DPP10: variants seen among roughly 807,000 people sequenced by gnomAD.
The protein encoded by DPP10 is inactive dipeptidyl peptidase 10.
DPP10 carries 33 observed loss-of-function variants against 120.9 expected under a neutral mutation model. That is an observed-to-expected ratio of 0.27 (90% CI 0.21 to 0.37). The LOEUF is 0.37. DPP10 is among the 10% of genes least tolerant of loss of function. The pLI, the probability that DPP10 is intolerant of heterozygous loss-of-function variation, is 1.00. For missense variants in DPP10, 816 were observed against 942.8 expected, an observed-to-expected ratio of 0.87 and a Z score of 1.76; for synonymous variants, 337 against 326.1, an observed-to-expected ratio of 1.03 and a Z score of -0.36.
intron 21 of DPP10, among the ~76,000 whole-genome samples, chr2:115,825,020 T>C (rs1375516681): frequency 6.6e-6 from 1 of 152,222 alleles, no homozygotes; most frequent in African/African-American, 2.4e-5. Context: ...CTTTTGTCTT[T>C]TTACATCCAA....
At chr2:114,516,329 T>C (rs911497274) in intron 1 of DPP10, among the ~76,000 whole-genome samples, 11 of 152,100 alleles carry the variant, frequency 7.2e-5, no homozygotes, top group Non-Finnish European at 1.5e-5. Context: ...AGTCAGAGAG[T>C]AAGATTCATT....
At chr2:114,830,019 C>T (rs150061759) in intron 1 of DPP10, among the ~76,000 whole-genome samples, 4 of 152,192 alleles carry the variant, frequency 2.6e-5, no homozygotes, top group African/African-American at 9.6e-5. Flanking sequence ...CCTGTCCTCT[C>T]ACTGTCCTTA....
intron 3 of DPP10, among the ~76,000 whole-genome samples, chr2:115,421,139 A>G (rs1441000716): frequency 6.6e-6 from 1 of 151,010 alleles, no homozygotes; most frequent in Non-Finnish European, 1.5e-5. Flanking sequence ...CTTTTAATTC[A>G]CCAATTATAT....
chr2:114,653,716 C>T (rs1023242321), intron 1 of DPP10, among the ~76,000 whole-genome samples: 6 of 152,086 alleles, frequency 3.9e-5, no homozygotes, highest in Admixed American at 6.5e-5. Flanking sequence ...GCTTGGTGGG[C>T]CCTGACGCTA....
intron 1 of DPP10, among the ~76,000 whole-genome samples, chr2:114,965,988 GA>G (rs986483217): frequency 4.0e-5 from 4 of 99,980 alleles, no homozygotes; most frequent in Non-Finnish European, 8.6e-5. Context: ...AAAAAAAAAA[GA>G]AAAAAAAAGA....
In DPP10 at chr2:115,657,239, C is replaced by A. The variant is rs1408312638; in HGVS notation, c.442-32448C>A. On this transcript the variant is annotated intron_variant, in intron 5 of 25. Coordinates refer to ENST00000410059, the MANE Select transcript of DPP10 (RefSeq NM_020868.6). ...TAGATAAAGTGAGAAGAATAGCAGCCATAAATTTTCTCAGAAAATTACATG... is the reference window on the plus strand; with the variant it reads ...TAGATAAAGTGAGAAGAATAGCAGCAATAAATTTTCTCAGAAAATTACATG... Among the ~76,000 whole-genome samples, 5 of 151,600 alleles carry A rather than the reference C, an allele frequency of 3.3e-5. No homozygotes were observed. In the South Asian group the frequency reaches 1.0e-3, roughly 32 times the overall value.
At chr2:115,160,945 C>T (rs771422752) in intron 1 of DPP10, among the ~76,000 whole-genome samples, 24 of 152,016 alleles carry the variant, frequency 1.6e-4, no homozygotes, top group Non-Finnish European at 3.4e-4. Flanking sequence ...GCTCGGTAAA[C>T]CTACTTTGAA....
chr2:114,816,931 G>GT (rs1412801327), intron 1 of DPP10, among the ~76,000 whole-genome samples: 2 of 152,140 alleles, frequency 1.3e-5, no homozygotes, highest in African/African-American at 2.4e-5. Flanking sequence ...AAACAAGGTA[G>GT]TTTTTTATTG....
intron 1 of DPP10, among the ~76,000 whole-genome samples, chr2:115,025,435 G>C (rs747462948): frequency 1.3e-5 from 2 of 151,298 alleles, no homozygotes; most frequent in Non-Finnish European, 3.0e-5. Context: ...CCCTTTTTTT[G>C]GCTGTTGTGA....
intron 3 of DPP10, among the ~76,000 whole-genome samples, chr2:115,401,957 A>C: frequency 6.6e-6 from 1 of 152,156 alleles, no homozygotes; most frequent in Non-Finnish European, 1.5e-5. Context: ...GAGTGACATC[A>C]GCAAAATGGC....
At chr2:115,313,557 C>T (rs549814347) in intron 2 of DPP10, among the ~76,000 whole-genome samples, 1 of 152,170 alleles carries the variant, frequency 6.6e-6, no homozygotes, top group Admixed American at 6.5e-5. Context: ...GTTATTTAGT[C>T]AAAGAAATGT....
chr2:115,262,668 T>A (rs919550349), intron 1 of DPP10, among the ~76,000 whole-genome samples: 1 of 152,174 alleles, frequency 6.6e-6, no homozygotes, highest in African/African-American at 2.4e-5. Context: ...AGGTAACCTT[T>A]ATATTCAGTC....
At chr2:114,499,147 G>C (rs1682935531) in intron 1 of DPP10, among the ~76,000 whole-genome samples, 1 of 152,140 alleles carries the variant, frequency 6.6e-6, no homozygotes, top group Admixed American at 6.5e-5. Flanking sequence ...CTATTCATGG[G>C]TATGATACAA....
intron 1 of DPP10, among the ~76,000 whole-genome samples, chr2:114,931,146 C>G (rs947966940): frequency 2.6e-5 from 4 of 152,176 alleles, no homozygotes; most frequent in Non-Finnish European, 4.4e-5. Context: ...AAACCACTTC[C>G]ACATTTTTAG....
chr2:115,345,083 G>A (rs963354600), intron 3 of DPP10, among the ~76,000 whole-genome samples: 57 of 152,102 alleles, frequency 3.7e-4, no homozygotes, highest in African/African-American at 1.2e-3. Context: ...GCAGGCACTC[G>A]AGATTGGTTT....
chr2:115,609,555 G>A (rs997399303), intron 5 of DPP10, among the ~76,000 whole-genome samples: 2 of 151,908 alleles, frequency 1.3e-5, no homozygotes, highest in African/African-American at 4.8e-5. Flanking sequence ...CTAAAAATAA[G>A]TGTAAATAAA....
intron 5 of DPP10, among the ~76,000 whole-genome samples, chr2:115,674,631 A>G (rs1381323826): frequency 6.6e-6 from 1 of 152,146 alleles, no homozygotes; most frequent in Non-Finnish European, 1.5e-5. Context: ...GGTCCCTTAA[A>G]GAAGAACATT....
intron 1 of DPP10, among the ~76,000 whole-genome samples, chr2:115,278,360 A>G (rs185486932): frequency 1.6e-4 from 24 of 152,274 alleles, no homozygotes; most frequent in African/African-American, 5.5e-4. Context: ...CATTTCTGGA[A>G]TAGTTACTGA....
rs185230629 is a variant in DPP10 at position 114,619,663 on chromosome 2, C to G, written c.60+176825C>G. 2.6e-5 allele frequency among the ~76,000 whole-genome samples: 4 copies of G among 152,122 alleles called. No individual in the cohort carries two copies. In the East Asian group the frequency reaches 7.7e-4, roughly 29 times the overall value. ...AATAAGCATTGATGGCAGCATATCT[C>G]ACCACTCTACCACATCAGGTCTATG... On this transcript the variant is annotated intron_variant, in intron 1 of 25. Coordinates refer to ENST00000410059, the MANE Select transcript of DPP10 (RefSeq NM_020868.6).
Sources: allele counts gnomAD v4.1 joint callset (sites outside exome capture counted in the v4.1 genomes callset), GRCh38; gene constraint gnomAD v4.1.1; transcripts MANE v1.5; gene names NCBI Gene and HGNC (gene_info 2026-07-23, HGNC 2026-07-21).